The following FOXP1 variants were observed in gnomAD, a reference collection of about 807,000 sequenced individuals.
FOXP1 encodes forkhead box P1.
FOXP1 carries 15 observed loss-of-function variants against 98.2 expected under a neutral mutation model. The observed-to-expected ratio is 0.15, with a 90% CI of 0.10 to 0.24. The LOEUF (loss-of-function observed/expected upper bound fraction) is 0.24, where lower values mean the gene tolerates loss of function less well. Among genes scored for constraint, FOXP1 ranks in the 10% least tolerant of loss-of-function variants. The pLI is 1.00. For synonymous variants in FOXP1, 371 were observed against 314.5 expected, an observed-to-expected ratio of 1.18 and a Z score of -1.90; for missense variants, 633 against 848.5, an observed-to-expected ratio of 0.75 and a Z score of 3.15.
intron 6 of FOXP1, among the ~76,000 whole-genome samples, chr3:71,122,633 A>AAGCACCTTAACT (rs2058860953): frequency 6.6e-6 from 1 of 152,178 alleles, no homozygotes; most frequent in South Asian, 2.1e-4. Flanking sequence ...TGTGCTAGTT[A>AAGCACCTTAACT]AGGTGCTCTC....
intron 3 of FOXP1, among the ~76,000 whole-genome samples, chr3:71,433,830 G>A (rs2084956141): frequency 6.6e-6 from 1 of 152,156 alleles, no homozygotes; most frequent in South Asian, 2.1e-4. Flanking sequence ...GGCAAGCAAA[G>A]GCGTGTCTAC....
chr3:71,435,009 T>C (rs1335022201), intron 3 of FOXP1, among the ~76,000 whole-genome samples: 3 of 151,870 alleles, frequency 2.0e-5, no homozygotes, highest in East Asian at 2.0e-4. Flanking sequence ...CAGCCCACTC[T>C]ATTCAGCTTT....
intron 2 of FOXP1, among the ~76,000 whole-genome samples, chr3:71,511,417 C>G (rs546972484): frequency 2.6e-5 from 4 of 151,934 alleles, no homozygotes; most frequent in Non-Finnish European, 5.9e-5. Context: ...TCCATTGGGG[C>G]ATTCCATGTG....
chr3:71,251,910 C>A (rs1350815572), intron 5 of FOXP1, among the ~76,000 whole-genome samples: 1 of 152,174 alleles, frequency 6.6e-6, no homozygotes, highest in Admixed American at 6.5e-5. Context: ...ACCCAACAGC[C>A]AATCCCAACT....
intron 10 of FOXP1, among the ~76,000 whole-genome samples, chr3:71,043,253 T>C (rs1232289391): frequency 6.6e-6 from 1 of 152,202 alleles, no homozygotes; most frequent in East Asian, 1.9e-4. Flanking sequence ...TCTCCCTTCA[T>C]AAAAATCAAA....
At chr3:71,226,082 C>G (rs2065812363) in intron 5 of FOXP1, among the ~76,000 whole-genome samples, 1 of 152,190 alleles carries the variant, frequency 6.6e-6, no homozygotes, top group Non-Finnish European at 1.5e-5. Flanking sequence ...ACTTCTGAGA[C>G]ACTACTTCTA....
At chr3:71,276,927 C>A (rs1432529952) in intron 5 of FOXP1, among the ~76,000 whole-genome samples, 3 of 151,292 alleles carry the variant, frequency 2.0e-5, no homozygotes, top group South Asian at 2.1e-4. Flanking sequence ...GCTCTAGTAT[C>A]CTCTGTTCTA....
At chr3:71,155,087 T>C (rs1190717972) in intron 6 of FOXP1, among the ~76,000 whole-genome samples, 1 of 152,202 alleles carries the variant, frequency 6.6e-6, no homozygotes, top group Non-Finnish European at 1.5e-5. Flanking sequence ...GAATTTAAGA[T>C]GCTGAGAGGC....
At chr3:71,520,475 T>C (rs2042896889) in intron 2 of FOXP1, among the ~76,000 whole-genome samples, 1 of 152,152 alleles carries the variant, frequency 6.6e-6, no homozygotes, top group African/African-American at 2.4e-5. Context: ...GGCGGCTCAT[T>C]AGAAATAGTC....
chr3:71,025,457 A>G (rs2045986165), intron 11 of FOXP1, among the ~76,000 whole-genome samples: 1 of 152,190 alleles, frequency 6.6e-6, no homozygotes, highest in African/African-American at 2.4e-5. Flanking sequence ...GTCTATGCTT[A>G]AAGAAACAGT....
intron 6 of FOXP1, among the ~76,000 whole-genome samples, chr3:71,194,743 C>T (rs1385540268): frequency 6.6e-6 from 1 of 152,032 alleles, no homozygotes; most frequent in African/African-American, 2.4e-5. Context: ...AAGAATTACT[C>T]AACAGATAAA....
chr3:71,270,284 G>C (rs2070209828), intron 5 of FOXP1, among the ~76,000 whole-genome samples: 1 of 152,120 alleles, frequency 6.6e-6, no homozygotes, highest in African/African-American at 2.4e-5. Flanking sequence ...GGAATTAAAA[G>C]CTTACTAGTG....
chr3:71,525,746 A>G (rs1346385723), intron 2 of FOXP1, among the ~76,000 whole-genome samples: 1 of 152,134 alleles, frequency 6.6e-6, no homozygotes, highest in Non-Finnish European at 1.5e-5. Flanking sequence ...AATCCATAGA[A>G]AGTTTCTTTT....
At chr3:71,579,898 C>T (rs2048023167) in intron 2 of FOXP1, among the ~76,000 whole-genome samples, 1 of 152,040 alleles carries the variant, frequency 6.6e-6, no homozygotes, top group South Asian at 2.1e-4. Flanking sequence ...ACTTGTTTCG[C>T]GACTCGGCAT....
At chr3:71,294,499 A>C (rs2073079331) in intron 5 of FOXP1, among the ~76,000 whole-genome samples, 1 of 152,128 alleles carries the variant, frequency 6.6e-6, no homozygotes, top group Non-Finnish European at 1.5e-5. Flanking sequence ...CTAGACTATC[A>C]ACTCTGTGAG....
chr3:71,023,648 T>C (rs1199767404), intron 11 of FOXP1, among the ~76,000 whole-genome samples: 1 of 152,210 alleles, frequency 6.6e-6, no homozygotes, highest in Non-Finnish European at 1.5e-5. Flanking sequence ...TCTGTTATCA[T>C]AGCTTACTTT....
intron 7 of FOXP1, among the ~76,000 whole-genome samples, chr3:71,077,650 A>G (rs565281516): frequency 6.9e-4 from 105 of 152,278 alleles, no homozygotes; most frequent in Non-Finnish European, 1.3e-3. Context: ...ATTCCATTAC[A>G]TATTGAACTA....
intron 3 of FOXP1, among the ~76,000 whole-genome samples, chr3:71,472,501 G>C (rs1287419851): frequency 6.6e-6 from 1 of 151,630 alleles, no homozygotes. Context: ...TTGGGTGTCG[G>C]TTCCACTTGC....
In FOXP1 at chr3:71,193,323, AT is replaced by A. The variant is rs1360456401; in HGVS notation, c.180+4878del. Reference sequence around the variant, plus strand: ...CCACCACACCCGGCTAATTTTTTGTATTTTTTAGTAGAGGCGGGGTTTCACC... The same window carrying A: ...CCACCACACCCGGCTAATTTTTTGTATTTTTAGTAGAGGCGGGGTTTCACC... On this transcript the variant is annotated intron_variant, in intron 6 of 20. Coordinates refer to ENST00000649528, the MANE Select transcript of FOXP1 (RefSeq NM_001349338.3). Among the ~76,000 whole-genome samples, 7 of 122,146 alleles carry A rather than the reference AT, an allele frequency of 5.7e-5. 2 individuals carry two copies. The highest frequency in any genetic ancestry group is 1.1e-4 in the African/African-American group (3 of 26,288). The allele number at this position is 122,146 out of a possible 152,430, so 80.1% of individuals were successfully genotyped here. A position where few individuals can be genotyped will look rare whatever the true frequency, so the allele number is the denominator to read the frequency against.
Sources: gnomAD v4.1 joint callset for allele counts (sites outside exome capture counted in the v4.1 genomes callset) on GRCh38, gnomAD v4.1.1 for gene constraint, MANE v1.5 for transcripts, NCBI Gene and HGNC (gene_info 2026-07-23, HGNC 2026-07-21) for gene names.